SBNO1: variants seen among roughly 807,000 people sequenced by gnomAD.
SBNO1 encodes the protein protein strawberry notch homolog 1.
A neutral mutation model predicts 173.6 loss-of-function variants in SBNO1; 23 were observed. The ratio of observed to expected loss-of-function variants is 0.13; its 90% CI spans 0.10 to 0.19. The LOEUF is 0.19. SBNO1 is among the 10% of genes least tolerant of loss of function. The probability of loss-of-function intolerance (pLI) is 1.00; values close to 1 mark genes in which losing one functional copy is unlikely to be tolerated. For synonymous variants in SBNO1, 632 were observed against 571.5 expected, an observed-to-expected ratio of 1.11 and a Z score of -1.51; for missense variants, 1,238 against 1,671.2, an observed-to-expected ratio of 0.74 and a Z score of 4.52.
chr12:123,299,586 C>G (rs945951834), intron 30 of SBNO1, among the ~76,000 whole-genome samples: 1 of 143,050 alleles, frequency 7.0e-6, no homozygotes, highest in African/African-American at 2.6e-5. Context: ...GAGGCTGAGG[C>G]AGAAGAATGG....
chr12:123,308,842 G>A (rs768250981), intron 28 of SBNO1, among the ~76,000 whole-genome samples: 10 of 152,108 alleles, frequency 6.6e-5, no homozygotes, highest in Admixed American at 2.0e-4. Flanking sequence ...AGTGGCTCAC[G>A]CCTCTAATCC....
chr12:123,330,147 G>A (rs549556227), intron 9 of SBNO1, among the ~76,000 whole-genome samples: 73 of 152,184 alleles, frequency 4.8e-4, no homozygotes, highest in Non-Finnish European at 6.5e-4. Flanking sequence ...AGAATCAACT[G>A]GTGTGCACTG....
chr12:123,300,287 C>A (rs770876420), intron 30 of SBNO1, among the ~76,000 whole-genome samples: 1 of 152,014 alleles, frequency 6.6e-6, no homozygotes, highest in Non-Finnish European at 1.5e-5. Context: ...TCTCAAACTC[C>A]CGGCCTCAAG....
chr12:123,357,862 G>C (rs1874643656), intron 1 of SBNO1, among the ~76,000 whole-genome samples: 1 of 152,196 alleles, frequency 6.6e-6, no homozygotes, highest in African/African-American at 2.4e-5. Context: ...CCTGTAGGAA[G>C]AAGATATTTA....
At position 123,295,917 on chromosome 12, in the gene SBNO1, G is replaced by A. The variant is rs757650798; in HGVS notation, c.4173C>T (p.Ser1391=). ...GAAACCTGTCTGTTCTTCATGCGTT[G>A]CTCAAGTTGGTGATGCTCTGAGGGT... The part of the protein sequence containing the change: ...QHHPQSITNL[S]NA Residue 1391 remains serine, a synonymous_variant, in exon 32 of 32, where the codon AGC becomes AGT. Transcript: ENST00000602398. 3.7e-6 allele frequency: 6 copies of A among 1,613,176 alleles called. No homozygotes were observed. In the Admixed American group the frequency reaches 1.0e-4, roughly 27 times the overall value.
chr12:123,314,253 G>A (rs529984717), intron 23 of SBNO1, among the ~76,000 whole-genome samples: 56 of 151,756 alleles, frequency 3.7e-4, no homozygotes, highest in African/African-American at 1.3e-3. Flanking sequence ...TGAAACCTCC[G>A]CCTCCTGGGT....
chr12:123,297,567 T>A (rs925873474), intron 31 of SBNO1, among the ~76,000 whole-genome samples: 24 of 151,992 alleles, frequency 1.6e-4, no homozygotes, highest in Admixed American at 1.3e-4. Flanking sequence ...ACGGTGAGAA[T>A]AGCTGGCCTA....
In SBNO1 at chr12:123,294,911, C is replaced by T. The variant is rs984797441; in HGVS notation, c.*997G>A. Reference sequence around the variant, plus strand: ...ATAACAAAAGAACACACAGCAGAAGCCTCAAGTGTTTCCTCATTGTCTACA... The same window carrying T: ...ATAACAAAAGAACACACAGCAGAAGTCTCAAGTGTTTCCTCATTGTCTACA... On this transcript the variant is annotated 3_prime_UTR_variant, in exon 32 of 32. Transcript: ENST00000602398. The T allele has an allele frequency of 2.0e-5, 3 of 152,178 alleles. No homozygotes were observed. Among genetic ancestry groups the T allele is most frequent in the Non-Finnish European group, 2.9e-5 (2 of 68,056 alleles). 9.4% of individuals were successfully genotyped at this position (152,178 alleles called of 1,614,324 possible).
chr12:123,364,798 G>A lies in SBNO1; in HGVS notation c.-98C>T, dbSNP rs1481070449. 5 of 987,334 alleles carry A rather than the reference G, an allele frequency of 5.1e-6. No homozygotes were observed. Among genetic ancestry groups the A allele is most frequent in the Admixed American group, 6.2e-5 (1 of 16,154 alleles). 61.2% of individuals were successfully genotyped at this position (987,334 alleles called of 1,614,324 possible). ...AGCGGAGGCGGCGGTGGCGGCGGCA[G>A]CAGCGGCGTCCTGCTCTGCCTACCT... On this transcript the variant is annotated 5_prime_UTR_variant, in exon 1 of 32. Transcript: ENST00000602398.
chr12:123,359,953 A>T (rs570076046), intron 1 of SBNO1, among the ~76,000 whole-genome samples: 1 of 152,304 alleles, frequency 6.6e-6, no homozygotes, highest in African/African-American at 2.4e-5. Context: ...CTTAAAAATT[A>T]TCTTTGGCCA....
intron 25 of SBNO1, among the ~76,000 whole-genome samples, chr12:123,310,397 A>G (rs952797747): frequency 2.1e-5 from 3 of 146,244 alleles, no homozygotes; most frequent in Non-Finnish European, 4.5e-5. Context: ...CTATGCCTGG[A>G]TAATTTTTGT....
chr12:123,305,332 C>G (rs955495656), intron 28 of SBNO1, among the ~76,000 whole-genome samples: 2 of 152,134 alleles, frequency 1.3e-5, no homozygotes, highest in Admixed American at 1.3e-4. Flanking sequence ...AGTGAGAGAT[C>G]ACATGATAAA....
chr12:123,307,716 A>G lies in SBNO1; in HGVS notation c.3630+1594T>C, dbSNP rs183488162. Among the ~76,000 whole-genome samples the G allele has an allele frequency of 4.4e-3, 672 of 152,336 alleles. 4 individuals carry two copies. The highest frequency in any genetic ancestry group is 7.6e-3 in the Non-Finnish European group (514 of 68,030). On this transcript the variant is annotated intron_variant, in intron 28 of 31. Coordinates refer to ENST00000602398, the MANE Select transcript of SBNO1 (RefSeq NM_001167856.3). ...AGAGGTGGGAGGATCACTTGAGGCC[A>G]AGAGTTTCAAACCAGCCTGGTCAAC...
intron 1 of SBNO1, chr12:123,363,825 G>A: frequency 1.0e-5 from 10 of 980,880 alleles, no homozygotes; most frequent in Non-Finnish European, 1.2e-5. Flanking sequence ...CCAAACAGAA[G>A]CACAAAGCAG....
intron 2 of SBNO1, among the ~76,000 whole-genome samples, chr12:123,349,372 G>A (rs1264355617): frequency 1.3e-5 from 2 of 152,044 alleles, no homozygotes; most frequent in Non-Finnish European, 2.9e-5. Context: ...TAAGTGCTGG[G>A]ATTACTGGCA....
intron 23 of SBNO1, among the ~76,000 whole-genome samples, chr12:123,314,581 G>T (rs939131104): frequency 1.3e-5 from 2 of 151,634 alleles, no homozygotes. Flanking sequence ...ACCCACCTCG[G>T]TCTCCCAAAG....
At chr12:123,357,460 C>T (rs1424995347) in intron 1 of SBNO1, among the ~76,000 whole-genome samples, 1 of 149,942 alleles carries the variant, frequency 6.7e-6, no homozygotes, top group Non-Finnish European at 1.5e-5. Flanking sequence ...AAACAACAAA[C>T]AGTCAGGCAT....
chr12:123,343,181 C>T (rs1872749051), intron 4 of SBNO1, among the ~76,000 whole-genome samples: 2 of 152,026 alleles, frequency 1.3e-5, no homozygotes, highest in South Asian at 4.1e-4. Flanking sequence ...TGCAGGAAGC[C>T]GAGGTCGCGC....
Position 123,325,611 on chromosome 12 carries a change from A to G in SBNO1, c.1876-12T>C. The G allele has an allele frequency of 6.7e-7, 1 of 1,499,888 alleles. No homozygotes were observed. The highest frequency in any genetic ancestry group is 1.7e-4 in the Middle Eastern group (1 of 5,806). 92.9% of individuals were successfully genotyped at this position (1,499,888 alleles called of 1,614,324 possible). ...CCAATTACAACACACTGGAGAAAAA[A>G]GAAAACATGTTAATTATGAATAATA... On this transcript the variant is annotated splice_polypyrimidine_tract_variant and intron_variant, in intron 14 of 31. Transcript: ENST00000602398.
Sources: gnomAD v4.1 joint callset for allele counts (sites outside exome capture counted in the v4.1 genomes callset) on GRCh38, gnomAD v4.1.1 for gene constraint, MANE v1.5 for transcripts, NCBI Gene and HGNC (gene_info 2026-07-23, HGNC 2026-07-21) for gene names.